GRID2: variants seen among roughly 807,000 people sequenced by gnomAD.
GRID2 encodes glutamate receptor ionotropic, delta-2.
In GRID2, 33 loss-of-function variants were observed where a neutral mutation model predicts 114.8. The observed-to-expected ratio is 0.29, with a 90% CI of 0.22 to 0.38. The LOEUF (loss-of-function observed/expected upper bound fraction) is 0.38. GRID2 is among the 10% of genes least tolerant of loss of function. The pLI is 1.00. For synonymous variants in GRID2, 505 were observed against 449.9 expected (o/e 1.12, Z -1.55); for missense variants, 1,184 against 1,257.7 (o/e 0.94, Z 0.89).
intron 2 of GRID2, among the ~76,000 whole-genome samples, chr4:92,862,389 A>G (rs989487780): frequency 5.9e-5 from 9 of 151,976 alleles, no homozygotes; most frequent in South Asian, 2.1e-4. Flanking sequence ...TCTAACATTC[A>G]CTTGGGTGTA....
At chr4:93,030,509 G>A (rs1241598385) in intron 2 of GRID2, among the ~76,000 whole-genome samples, 1 of 151,704 alleles carries the variant, frequency 6.6e-6, no homozygotes, top group Non-Finnish European at 1.5e-5. Flanking sequence ...CCCAGCCTCT[G>A]GAGTAGCAGG....
At chr4:93,738,241 A>G (rs1469080449) in intron 14 of GRID2, among the ~76,000 whole-genome samples, 2 of 152,158 alleles carry the variant, frequency 1.3e-5, no homozygotes, top group African/African-American at 4.8e-5. Flanking sequence ...AAGAGGTAAG[A>G]TGGTACAAAT....
chr4:92,993,888 T>C (rs1215700269), intron 2 of GRID2, among the ~76,000 whole-genome samples: 1 of 152,220 alleles, frequency 6.6e-6, no homozygotes, highest in Admixed American at 6.5e-5. Context: ...ATTTATGTTT[T>C]CTTGTATCCT....
chr4:93,489,764 T>TGGTGC (rs922665104), intron 11 of GRID2, among the ~76,000 whole-genome samples: 1 of 151,916 alleles, frequency 6.6e-6, no homozygotes, highest in African/African-American at 2.4e-5. Context: ...AAGTAAATAG[T>TGGTGC]GGTGCTATTC....
At chr4:92,327,780 A>G (rs1394104461) in intron 1 of GRID2, among the ~76,000 whole-genome samples, 1 of 151,976 alleles carries the variant, frequency 6.6e-6, no homozygotes, top group Non-Finnish European at 1.5e-5. Flanking sequence ...AGACATTTCA[A>G]CATTGTTTCT....
intron 13 of GRID2, among the ~76,000 whole-genome samples, chr4:93,545,071 C>A (rs1235821695): frequency 6.6e-6 from 1 of 152,152 alleles, no homozygotes; most frequent in Non-Finnish European, 1.5e-5. Flanking sequence ...ATTCACTCAG[C>A]ACATGCATTA....
At chr4:92,412,091 G>T (rs887481633) in intron 1 of GRID2, among the ~76,000 whole-genome samples, 9 of 150,328 alleles carry the variant, frequency 6.0e-5, no homozygotes, top group Non-Finnish European at 1.2e-4. Flanking sequence ...AATTTTAATT[G>T]CAATTATATA....
intron 13 of GRID2, among the ~76,000 whole-genome samples, chr4:93,576,345 A>G (rs1736417603): frequency 6.6e-6 from 1 of 151,928 alleles, no homozygotes; most frequent in Non-Finnish European, 1.5e-5. Context: ...TGACTCCACT[A>G]CTCTCCTCTT....
chr4:92,521,862 G>A (rs1014785487), intron 1 of GRID2, among the ~76,000 whole-genome samples: 3 of 151,924 alleles, frequency 2.0e-5, no homozygotes, highest in Non-Finnish European at 4.4e-5. Flanking sequence ...AGATGGTGCA[G>A]CATTTTGTAA....
rs567266233 is a variant in GRID2, at chr4:92,614,889, A to C, written c.244+24603A>C. On this transcript the variant is annotated intron_variant, in intron 2 of 15. Coordinates refer to ENST00000282020, the MANE Select transcript of GRID2 (RefSeq NM_001510.4). Reference sequence around the variant, plus strand: ...TTAGGTCTCAGTTTCAGGTATTTACATGTTTAGAATTATTATATTTTACTG... The same window carrying C: ...TTAGGTCTCAGTTTCAGGTATTTACCTGTTTAGAATTATTATATTTTACTG... Among the ~76,000 whole-genome samples, 10 of 149,800 alleles carry C rather than the reference A, an allele frequency of 6.7e-5. No homozygotes were observed. In the South Asian group the frequency reaches 2.1e-3, roughly 31 times the overall value.
intron 2 of GRID2, among the ~76,000 whole-genome samples, chr4:92,636,153 G>C (rs1342497909): frequency 6.6e-6 from 1 of 151,922 alleles, no homozygotes; most frequent in East Asian, 1.9e-4. Flanking sequence ...CCTAGAGTTG[G>C]TGGGCCTGCC....
chr4:92,633,747 T>C (rs980956412), intron 2 of GRID2, among the ~76,000 whole-genome samples: 1 of 152,120 alleles, frequency 6.6e-6, no homozygotes, highest in Non-Finnish European at 1.5e-5. Context: ...AAGGGCATAA[T>C]GGCCATATTT....
intron 8 of GRID2, among the ~76,000 whole-genome samples, chr4:93,274,416 T>C (rs984644792): frequency 6.6e-6 from 1 of 152,092 alleles, no homozygotes; most frequent in Non-Finnish European, 1.5e-5. Flanking sequence ...TGAGAAAAGT[T>C]GAAAAGCAAT....
At chr4:93,176,142 A>AT (rs1422513287) in intron 4 of GRID2, among the ~76,000 whole-genome samples, 1 of 152,224 alleles carries the variant, frequency 6.6e-6, no homozygotes, top group Admixed American at 6.5e-5. Context: ...ATGGAAATTG[A>AT]TTTTTTTAAA....
At chr4:92,923,626 G>T (rs1012075607) in intron 2 of GRID2, among the ~76,000 whole-genome samples, 1 of 152,084 alleles carries the variant, frequency 6.6e-6, no homozygotes, top group East Asian at 1.9e-4. Context: ...TACCAGGAAA[G>T]ATAAACTGCG....
At chr4:93,040,683 A>G (rs1210122749) in intron 2 of GRID2, among the ~76,000 whole-genome samples, 1 of 152,176 alleles carries the variant, frequency 6.6e-6, no homozygotes, top group African/African-American at 2.4e-5. Context: ...CGGTCGGAAC[A>G]GTGTTACACT....
intron 2 of GRID2, among the ~76,000 whole-genome samples, chr4:92,793,390 C>A (rs903974986): frequency 6.6e-6 from 1 of 151,484 alleles, no homozygotes; most frequent in African/African-American, 2.4e-5. Context: ...TTGGGACTTT[C>A]TGAGGGTGGA....
intron 1 of GRID2, among the ~76,000 whole-genome samples, chr4:92,374,069 C>G (rs1407844721): frequency 6.6e-6 from 1 of 152,036 alleles, no homozygotes; most frequent in Non-Finnish European, 1.5e-5. Flanking sequence ...AAATGGACCT[C>G]CTCCTCAGCA....
chr4:92,918,806 A>T (rs1749043426), intron 2 of GRID2, among the ~76,000 whole-genome samples: 1 of 152,066 alleles, frequency 6.6e-6, no homozygotes, highest in African/African-American at 2.4e-5. Context: ...ATTGGTCTAA[A>T]ATTCTCTTTT....
Sources: allele counts gnomAD v4.1 joint callset (sites outside exome capture counted in the v4.1 genomes callset), GRCh38; gene constraint gnomAD v4.1.1; transcripts MANE v1.5; gene names NCBI Gene and HGNC (gene_info 2026-07-23, HGNC 2026-07-21).